Variants in WDR27 observed in about 807,000 individuals in gnomAD.
The protein encoded by WDR27 is WD repeat-containing protein 27.
Under a neutral mutation model 114.4 loss-of-function variants are expected in WDR27, and 100 were observed. The ratio of observed to expected loss-of-function variants is 0.87; its 90% CI spans 0.74 to 1.03. The LOEUF is 1.03. Among genes scored for constraint, WDR27 ranks in the 50% least tolerant of loss-of-function variants. WDR27 has a pLI of 0.00. For missense variants in WDR27, 1,129 were observed against 1,092.9 expected (o/e 1.03, Z -0.47); for synonymous variants, 449 against 423.1 (o/e 1.06, Z -0.75).
chr6:169,626,055 T>C (rs1009062120), intron 21 of WDR27, among the ~76,000 whole-genome samples: 15 of 152,218 alleles, frequency 9.9e-5, no homozygotes, highest in Non-Finnish European at 1.8e-4. Context: ...GCATGCAGCC[T>C]CGGGCTTTTA....
rs995019705 is a variant in WDR27 at position 169,659,957 on chromosome 6, G to A, written c.1130-439C>T. ...GGGATGGGCGGCTGAAGGGAAGGGC[G>A]TGTGTGAAGACACAGATGCATCCCA... On this transcript the variant is annotated intron_variant, in intron 10 of 25. Coordinates refer to ENST00000448612, the MANE Select transcript of WDR27 (RefSeq NM_182552.5). This position sits in a 1 kb window ranked among gnomAD's most constrained non-coding sequence, Gnocchi z 4.3. 3.9e-5 allele frequency among the ~76,000 whole-genome samples: 6 copies of A among 151,900 alleles called. No individual in the cohort carries two copies. The highest frequency in any genetic ancestry group is 8.8e-5 in the Non-Finnish European group (6 of 67,968).
intron 25 of WDR27, among the ~76,000 whole-genome samples, chr6:169,551,752 AAAAG>A (rs1424469880): frequency 0.19 from 10,876 of 55,816 alleles, 1,056 homozygotes; most frequent in East Asian, 0.56. Flanking sequence ...AAAAAAAAAA[AAAAG>A]AAAAAGAAAA....
chr6:169,429,217 G>C, the WDR27 span, among the ~76,000 whole-genome samples: 1 of 152,146 alleles, frequency 6.6e-6, no homozygotes, highest in Non-Finnish European at 1.5e-5. Context: ...CAGGCCTGAG[G>C]ACCCAGGGGC....
At chr6:169,560,884 C>T (rs1424523972) in intron 25 of WDR27, among the ~76,000 whole-genome samples, 1 of 152,154 alleles carries the variant, frequency 6.6e-6, no homozygotes, top group Non-Finnish European at 1.5e-5. Flanking sequence ...TATAATCCAA[C>T]ACCTAATTTT....
chr6:169,438,766 A>C, the WDR27 span, among the ~76,000 whole-genome samples: 4 of 152,192 alleles, frequency 2.6e-5, no homozygotes, highest in African/African-American at 9.7e-5. Flanking sequence ...TTACCTTTCA[A>C]GTAATCAGCC....
At chr6:169,639,052 G>A (rs901198172) in intron 17 of WDR27, among the ~76,000 whole-genome samples, 3 of 151,466 alleles carry the variant, frequency 2.0e-5, no homozygotes, top group Non-Finnish European at 4.4e-5. Flanking sequence ...GCTGGGTACT[G>A]TGTGGTGCTA....
chr6:169,544,437 T>TTTTG (rs947985223), intron 25 of WDR27, among the ~76,000 whole-genome samples: 5 of 151,742 alleles, frequency 3.3e-5, no homozygotes, highest in African/African-American at 7.2e-5. Context: ...TTTTTTTTTT[T>TTTTG]TTTGTTTGTT....
At chr6:169,682,297 A>G (rs914475463) in intron 2 of WDR27, among the ~76,000 whole-genome samples, 1 of 152,084 alleles carries the variant, frequency 6.6e-6, no homozygotes, top group African/African-American at 2.4e-5. Flanking sequence ...CGGACTCCCA[A>G]TCTCAACTCC....
chr6:169,615,955 T>TA (rs58804837), intron 21 of WDR27, among the ~76,000 whole-genome samples: 131,388 of 144,490 alleles, frequency 0.91, 59,752 homozygotes, highest in Admixed American at 0.95. Context: ...GAAAACCTAA[T>TA]AAAAAAAAAA....
At position 169,457,563 on chromosome 6, in the gene WDR27, A is replaced by G; in HGVS notation, c.*29T>C. The G allele has an allele frequency of 1.3e-6, 2 of 1,545,648 alleles. No homozygotes were observed. The highest frequency in any genetic ancestry group is 1.7e-6 in the Non-Finnish European group (2 of 1,143,658). On this transcript the variant is annotated 3_prime_UTR_variant, in exon 26 of 26. Coordinates refer to ENST00000448612, the MANE Select transcript of WDR27 (RefSeq NM_182552.5). ...AAGTTGTTCCTCACAGCATTCCTGG[A>G]CCCAGCTCACAGGTCAGTGGTTACT...
At chr6:169,672,771 A>G (rs1424355578) in intron 2 of WDR27, among the ~76,000 whole-genome samples, 1 of 152,194 alleles carries the variant, frequency 6.6e-6, no homozygotes, top group Non-Finnish European at 1.5e-5. Context: ...CTGGGAAAAC[A>G]AGGCATGGGT....
At chr6:169,428,926 G>A in the WDR27 span, among the ~76,000 whole-genome samples, 2 of 152,162 alleles carry the variant, frequency 1.3e-5, no homozygotes, top group Non-Finnish European at 2.9e-5. Context: ...GGTGCTCTCG[G>A]CAGCCACGGT....
chr6:169,605,536 C>T (rs1437288360), intron 22 of WDR27, among the ~76,000 whole-genome samples: 1 of 150,984 alleles, frequency 6.6e-6, no homozygotes, highest in Non-Finnish European at 1.5e-5. Flanking sequence ...ACATACTGCC[C>T]AAAGCAATCC....
intron 23 of WDR27, among the ~76,000 whole-genome samples, chr6:169,599,265 A>G (rs1290971817): frequency 6.6e-6 from 1 of 152,176 alleles, no homozygotes; most frequent in Non-Finnish European, 1.5e-5. Flanking sequence ...AAGTGAACAA[A>G]GATTATTTAA....
At chr6:169,540,626 C>T (rs1796725952) in intron 25 of WDR27, among the ~76,000 whole-genome samples, 1 of 152,104 alleles carries the variant, frequency 6.6e-6, no homozygotes, top group Non-Finnish European at 1.5e-5. Context: ...GACAGGGTTT[C>T]ACCATTTTTT....
At chr6:169,672,476 AAATT>A (rs1181469339) in intron 2 of WDR27, 80 bp from the exon 3 acceptor site, 22 of 1,343,012 alleles carry the variant, frequency 1.6e-5, no homozygotes, top group Non-Finnish European at 2.2e-5. Flanking sequence ...CAAACCTAAG[AAATT>A]AAAAGATTGA....
At chr6:169,432,616 A>G in the WDR27 span, among the ~76,000 whole-genome samples, 2 of 152,086 alleles carry the variant, frequency 1.3e-5, no homozygotes, top group African/African-American at 2.4e-5. Context: ...CGTGCCTTTC[A>G]CCTTTCACCA....
In WDR27 at chr6:169,667,138, G is replaced by C. The variant is rs576927994; in HGVS notation, c.710C>G (p.Ser237Ter). The C allele has an allele frequency of 2.6e-6, 4 of 1,520,310 alleles. No individual in the cohort carries two copies. Among genetic ancestry groups the C allele is most frequent in the South Asian group, 2.7e-5 (2 of 74,844 alleles). 94.2% of individuals were successfully genotyped at this position (1,520,310 alleles called of 1,614,324 possible). A position where few individuals can be genotyped will look rare whatever the true frequency, so the allele number is the denominator to read the frequency against. The change falls in exon 6 of 26, where the codon TCA becomes TGA. Residue 237 changes from serine (S) to a stop codon, truncating the protein, a stop_gained and splice_region_variant. Coordinates refer to ENST00000448612, the MANE Select transcript of WDR27 (RefSeq NM_182552.5). LOFTEE classifies it high-confidence loss of function. Reference protein sequence around the residue: ...GSLIYSSSVLSAYPLLSLFID... With the variant: ...GSLIYSSSVL ...AAACATGAAAGTTTTAAATTTACCT[G>C]ATAACACAGATGAACTGTATATTAA...
intron 24 of WDR27, among the ~76,000 whole-genome samples, chr6:169,577,506 T>TCC (rs1292023418): frequency 6.6e-6 from 1 of 150,732 alleles, no homozygotes; most frequent in Non-Finnish European, 1.5e-5. Context: ...GGACAAAGGG[T>TCC]CCACACGTGG....
Sources: gnomAD v4.1 joint callset for allele counts (sites outside exome capture counted in the v4.1 genomes callset) on GRCh38, gnomAD v4.1.1 for gene constraint, Gnocchi (gnomAD v3.1) non-coding constraint, MANE v1.5 for transcripts, NCBI Gene and HGNC (gene_info 2026-07-23, HGNC 2026-07-21) for gene names.